Variants in MSRA observed in about 807,000 individuals in gnomAD.
MSRA encodes methionine sulfoxide reductase A, also known as mitochondrial peptide methionine sulfoxide reductase.
A neutral mutation model predicts 31.3 loss-of-function variants in MSRA; 54 were observed. The ratio of observed to expected loss-of-function variants is 1.73; its 90% CI spans 1.39 to 2.17. The LOEUF is 2.17. Among genes scored for constraint, MSRA ranks in the 30% most tolerant of loss-of-function variants. MSRA has a pLI of 0.00. For synonymous variants in MSRA, 169 were observed against 116.5 expected, an observed-to-expected ratio of 1.45 and a Z score of -2.90; for missense variants, 507 against 300.9, an observed-to-expected ratio of 1.69 and a Z score of -5.07.
chr8:10,251,129 A>AT (rs1281090060), intron 3 of MSRA, among the ~76,000 whole-genome samples: 3 of 151,218 alleles, frequency 2.0e-5, no homozygotes, highest in South Asian at 2.1e-4. Context: ...AATGCGTGTG[A>AT]TTTTTTTCCT....
chr8:10,137,779 C>A (rs74357253), intron 1 of MSRA, among the ~76,000 whole-genome samples: 8,961 of 152,062 alleles, frequency 0.059, 383 homozygotes, highest in Admixed American at 0.14. Context: ...CCAGGTAACC[C>A]CCTGAAACTT....
chr8:10,172,797 C>G (rs1412647286), intron 1 of MSRA, among the ~76,000 whole-genome samples: 1 of 152,140 alleles, frequency 6.6e-6, no homozygotes, highest in African/African-American at 2.4e-5. Flanking sequence ...TTCGCTTACT[C>G]GGATCTTGAT....
intron 1 of MSRA, among the ~76,000 whole-genome samples, chr8:10,161,760 G>A (rs1804673226): frequency 6.6e-6 from 1 of 152,090 alleles, no homozygotes; most frequent in Admixed American, 6.5e-5. Flanking sequence ...TCTGGGCAGC[G>A]ATGGAACAGG....
chr8:10,392,583 C>T (rs1806814307), intron 5 of MSRA, among the ~76,000 whole-genome samples: 1 of 152,100 alleles, frequency 6.6e-6, no homozygotes. Context: ...AGCAGCCAAG[C>T]ATACCCTGTC....
intron 3 of MSRA, among the ~76,000 whole-genome samples, chr8:10,281,492 T>C (rs1382607907): frequency 6.6e-6 from 1 of 152,180 alleles, no homozygotes; most frequent in Non-Finnish European, 1.5e-5. Flanking sequence ...CGGTGCTTAC[T>C]AACAAGCACA....
At chr8:10,088,548 A>G (rs911703888) in intron 1 of MSRA, among the ~76,000 whole-genome samples, 1 of 152,190 alleles carries the variant, frequency 6.6e-6, no homozygotes, top group African/African-American at 2.4e-5. Context: ...CAGCCCAGCC[A>G]ACATGGCGAA....
At chr8:10,214,507 C>T (rs1316741142) in intron 2 of MSRA, among the ~76,000 whole-genome samples, 1 of 152,150 alleles carries the variant, frequency 6.6e-6, no homozygotes, top group African/African-American at 2.4e-5. Flanking sequence ...ACATATCCAG[C>T]ATGATGTTGG....
chr8:10,380,237 C>T (rs965528701), intron 5 of MSRA, among the ~76,000 whole-genome samples: 2 of 152,164 alleles, frequency 1.3e-5, no homozygotes, highest in African/African-American at 4.8e-5. Context: ...TCCTTTTTAT[C>T]TCTCTGGATG....
chr8:10,255,087 T>A (rs1798108204), intron 3 of MSRA, among the ~76,000 whole-genome samples: 3 of 152,234 alleles, frequency 2.0e-5, no homozygotes, highest in Admixed American at 2.0e-4. Context: ...CCCAGCACTG[T>A]CCTCAGTATT....
intron 2 of MSRA, among the ~76,000 whole-genome samples, chr8:10,219,255 C>T (rs1052632902): frequency 3.3e-5 from 5 of 152,138 alleles, no homozygotes; most frequent in Admixed American, 6.5e-5. Context: ...TGCTTAATAT[C>T]GTGAATGAGT....
chr8:10,086,714 C>T (rs962175583), intron 1 of MSRA, among the ~76,000 whole-genome samples: 2 of 144,784 alleles, frequency 1.4e-5, no homozygotes, highest in African/African-American at 5.7e-5. Flanking sequence ...TGGCTTCTAA[C>T]CTCATATTTC....
intron 4 of MSRA, among the ~76,000 whole-genome samples, chr8:10,311,577 C>G (rs1442722482): frequency 6.6e-6 from 1 of 151,780 alleles, no homozygotes; most frequent in Non-Finnish European, 1.5e-5. Flanking sequence ...TTTTCTCTTA[C>G]CATAATGCAA....
chr8:10,100,039 C>T (rs529591272), intron 1 of MSRA, among the ~76,000 whole-genome samples: 9 of 152,216 alleles, frequency 5.9e-5, no homozygotes, highest in East Asian at 3.9e-4. Flanking sequence ...GAGTTGAGGG[C>T]GCTGCCCAGC....
At chr8:10,115,881 A>G (rs1008204681) in intron 1 of MSRA, among the ~76,000 whole-genome samples, 6 of 152,234 alleles carry the variant, frequency 3.9e-5, no homozygotes, top group Non-Finnish European at 7.3e-5. Flanking sequence ...AAAAATGTAA[A>G]CACTATCCAT....
At position 10,054,651 on chromosome 8, in the gene MSRA, T is replaced by A. The variant is rs146713993; in HGVS notation, c.135T>A (p.Pro45=). The change falls in exon 1 of 6, where the codon CCT becomes CCA. Residue 45 remains proline (P), a synonymous_variant. Coordinates refer to ENST00000317173, the MANE Select transcript of MSRA (RefSeq NM_012331.5). Reference sequence around the variant, plus strand: ...TGCCGGGCCGGAAGGAACAGACCCCTGTAGCGGGTAAGCACTGGCCACACG... The same window carrying A: ...TGCCGGGCCGGAAGGAACAGACCCCAGTAGCGGGTAAGCACTGGCCACACG... ...EALPGRKEQT[P]VAAKHHVNGN... The A allele has an allele frequency of 1.9e-6, 3 of 1,564,318 alleles. No homozygotes were observed. Among genetic ancestry groups the A allele is most frequent in the African/African-American group, 2.8e-5 (2 of 70,886 alleles).
At chr8:10,380,488 G>C (rs1347568325) in intron 5 of MSRA, among the ~76,000 whole-genome samples, 2 of 152,236 alleles carry the variant, frequency 1.3e-5, no homozygotes, top group African/African-American at 4.8e-5. Flanking sequence ...GGACTTATGA[G>C]AAATGCTGAT....
At chr8:10,173,004 T>C (rs542858519) in intron 1 of MSRA, among the ~76,000 whole-genome samples, 66 of 152,122 alleles carry the variant, frequency 4.3e-4, no homozygotes, top group African/African-American at 1.6e-3. Context: ...AGGGAGAGGA[T>C]AGGGAAGAAG....
intron 1 of MSRA, among the ~76,000 whole-genome samples, chr8:10,163,081 C>T (rs958255103): frequency 6.6e-6 from 1 of 151,904 alleles, no homozygotes; most frequent in Non-Finnish European, 1.5e-5. Flanking sequence ...CTGAAAGGGA[C>T]CTCTTTGCAC....
intron 2 of MSRA, among the ~76,000 whole-genome samples, chr8:10,210,873 A>G (rs1262009600): frequency 2.0e-4 from 31 of 151,624 alleles, no homozygotes. Context: ...AGCTGGGATT[A>G]CAGGTGTGCA....
Sources: allele counts gnomAD v4.1 joint callset (sites outside exome capture counted in the v4.1 genomes callset), GRCh38; gene constraint gnomAD v4.1.1; transcripts MANE v1.5; gene names NCBI Gene and HGNC (gene_info 2026-07-23, HGNC 2026-07-21).